Variants in IGSF10 observed in about 807,000 individuals in gnomAD.
IGSF10 encodes immunoglobulin superfamily member 10, also known as calvaria mechanical force protein 608.
In IGSF10, 126 loss-of-function variants were observed where a neutral mutation model predicts 128.2. That is an observed-to-expected ratio of 0.98 (90% confidence interval 0.85 to 1.14). The LOEUF (loss-of-function observed/expected upper bound fraction) is 1.14, where lower values mean the gene tolerates loss of function less well. IGSF10 is among the 50% of genes most tolerant of loss of function. The pLI is 0.00. For synonymous variants in IGSF10, 1,185 were observed against 1,146.2 expected, an observed-to-expected ratio of 1.03 and a Z score of -0.68; for missense variants, 3,295 against 3,149.8, an observed-to-expected ratio of 1.05 and a Z score of -1.10.
intron 4 of IGSF10, among the ~76,000 whole-genome samples, chr3:151,456,660 C>T (rs1256417049): frequency 3.9e-5 from 6 of 152,100 alleles, no homozygotes; most frequent in Admixed American, 3.9e-4. Context: ...GAAAATAGTA[C>T]ATTGATTTAT....
the IGSF10 span, among the ~76,000 whole-genome samples, chr3:151,610,573 G>A: frequency 6.6e-6 from 1 of 152,154 alleles, no homozygotes; most frequent in Admixed American, 6.5e-5. Flanking sequence ...ATGAAGGTGT[G>A]TGCAAATAAG....
the IGSF10 span, among the ~76,000 whole-genome samples, chr3:151,516,569 C>T: frequency 2.0e-5 from 3 of 151,992 alleles, no homozygotes; most frequent in Non-Finnish European, 2.9e-5. Flanking sequence ...AGAAGCAGAA[C>T]ATTTGTCCAC....
At chr3:151,547,284 A>G in the IGSF10 span, among the ~76,000 whole-genome samples, 2 of 152,106 alleles carry the variant, frequency 1.3e-5, no homozygotes, top group Non-Finnish European at 2.9e-5. Context: ...AAATATGTTC[A>G]TCAGTATGTA....
chr3:151,448,051 G>C lies in IGSF10; in HGVS notation c.1930C>G (p.Arg644Gly), dbSNP rs201983963. ...CCTGATGGGTTGGCTGCCACACAGCGATAATAACCTTGGTCTTTCGGGGTG... is the reference window on the plus strand; with the variant it reads ...CCTGATGGGTTGGCTGCCACACAGCCATAATAACCTTGGTCTTTCGGGGTG... ...QVTPKDQGYY[R>G]CVAANPSGVD... The change falls in exon 6 of 8, where the codon CGC becomes GGC. Residue 644 changes from arginine to glycine, a missense_variant. Coordinates refer to ENST00000282466, the MANE Select transcript of IGSF10 (RefSeq NM_178822.5). 5.0e-6 allele frequency: 8 copies of C among 1,614,140 alleles called. No homozygotes were observed. The highest frequency in any genetic ancestry group is 6.8e-6 in the Non-Finnish European group (8 of 1,180,038).
the IGSF10 span, among the ~76,000 whole-genome samples, chr3:151,498,459 C>T: frequency 9.3e-4 from 142 of 152,168 alleles, no homozygotes; most frequent in Non-Finnish European, 1.6e-3. Context: ...AAAACTTATC[C>T]ACCATGATCA....
At chr3:151,571,889 T>C in the IGSF10 span, among the ~76,000 whole-genome samples, 1 of 152,154 alleles carries the variant, frequency 6.6e-6, no homozygotes, top group African/African-American at 2.4e-5. Flanking sequence ...TTTTGAGATA[T>C]GTTCCATCAA....
chr3:151,436,131 A>AT (rs1190161028), downstream of IGSF10: 1 of 152,284 alleles, frequency 6.6e-6, no homozygotes, highest in Non-Finnish European at 1.5e-5. Context: ...TTATTAAAAC[A>AT]TTTTTGTATT....
chr3:151,460,703 C>A (rs1722005625), intron 1 of IGSF10, among the ~76,000 whole-genome samples: 2 of 152,044 alleles, frequency 1.3e-5, no homozygotes, highest in African/African-American at 4.8e-5. Flanking sequence ...ACAGATGTCT[C>A]CATCTATTGA....
chr3:151,526,349 CTT>C, the IGSF10 span, among the ~76,000 whole-genome samples: 1 of 151,624 alleles, frequency 6.6e-6, no homozygotes, highest in Non-Finnish European at 1.5e-5. Flanking sequence ...AGTTGTATAA[CTT>C]TGTCCATAAA....
the IGSF10 span, among the ~76,000 whole-genome samples, chr3:151,559,315 G>A: frequency 1.3e-5 from 2 of 152,112 alleles, no homozygotes; most frequent in African/African-American, 4.8e-5. Context: ...ACACCTCAAG[G>A]TCTGGCTTCA....
At chr3:151,531,838 C>A in the IGSF10 span, among the ~76,000 whole-genome samples, 5 of 152,102 alleles carry the variant, frequency 3.3e-5, no homozygotes, top group African/African-American at 1.2e-4. Context: ...AAGATCAGAG[C>A]AGAACTGAAG....
At chr3:151,569,890 C>A in the IGSF10 span, among the ~76,000 whole-genome samples, 1 of 151,852 alleles carries the variant, frequency 6.6e-6, no homozygotes, top group African/African-American at 2.4e-5. Context: ...CCCATCCCCC[C>A]ACCCCATGAC....
the IGSF10 span, among the ~76,000 whole-genome samples, chr3:151,524,996 T>C: frequency 7.2e-6 from 1 of 139,414 alleles, no homozygotes; most frequent in African/African-American, 2.6e-5. Flanking sequence ...TAAAAATGCA[T>C]TACACCTTTT....
the IGSF10 span, among the ~76,000 whole-genome samples, chr3:151,477,359 C>T: frequency 3.9e-5 from 6 of 152,098 alleles, no homozygotes; most frequent in Non-Finnish European, 8.8e-5. Context: ...TATATATATA[C>T]ACAAGAGGTA....
At chr3:151,614,146 G>A in the IGSF10 span, among the ~76,000 whole-genome samples, 1 of 152,160 alleles carries the variant, frequency 6.6e-6, no homozygotes, top group Non-Finnish European at 1.5e-5. Flanking sequence ...AGTTAGAATG[G>A]CGATCACTAA....
At chr3:151,506,304 G>A in the IGSF10 span, among the ~76,000 whole-genome samples, 2 of 152,020 alleles carry the variant, frequency 1.3e-5, no homozygotes, top group African/African-American at 4.8e-5. Flanking sequence ...GGCATACAAT[G>A]CTTTCTTGGC....
chr3:151,614,682 GA>G, the IGSF10 span, among the ~76,000 whole-genome samples: 3 of 151,912 alleles, frequency 2.0e-5, no homozygotes, highest in African/African-American at 7.3e-5. Flanking sequence ...GGGGTGGGGA[GA>G]GGGGGGAGGG....
chr3:151,459,765 T>C (rs567944364), intron 2 of IGSF10, among the ~76,000 whole-genome samples: 2 of 152,344 alleles, frequency 1.3e-5, no homozygotes, highest in African/African-American at 2.4e-5. Context: ...ATAAACTCTT[T>C]ATTGTGCTTT....
At chr3:151,511,610 TAAC>T in the IGSF10 span, among the ~76,000 whole-genome samples, 4 of 152,106 alleles carry the variant, frequency 2.6e-5, no homozygotes, top group Non-Finnish European at 4.4e-5. Context: ...AATTCACACA[TAAC>T]AATACTAACC....
Sources: allele counts gnomAD v4.1 joint callset (sites outside exome capture counted in the v4.1 genomes callset), GRCh38; gene constraint gnomAD v4.1.1; transcripts MANE v1.5; gene names NCBI Gene and HGNC (gene_info 2026-07-23, HGNC 2026-07-21).